The following PADI2 variants were observed in gnomAD, a reference collection of about 807,000 sequenced individuals.
The protein encoded by PADI2 is protein-arginine deiminase type-2.
In PADI2, 70 loss-of-function variants were observed where a neutral mutation model predicts 81.1. The ratio of observed to expected loss-of-function variants is 0.86; its 90% CI spans 0.71 to 1.05. The LOEUF (loss-of-function observed/expected upper bound fraction) is 1.05, where lower values mean the gene tolerates loss of function less well. PADI2 is among the 50% of genes least tolerant of loss of function. The pLI is 0.00. For synonymous variants in PADI2, 338 were observed against 358.0 expected, an observed-to-expected ratio of 0.94 and a Z score of 0.63; for missense variants, 853 against 889.9, an observed-to-expected ratio of 0.96 and a Z score of 0.53.
intron 10 of PADI2, 106 bp downstream of exon 10, chr1:17,082,439 G>A (rs926636411): frequency 4.0e-6 from 3 of 744,908 alleles, no homozygotes; most frequent in Non-Finnish European, 7.2e-6. Flanking sequence ...CAGAGGCTCT[G>A]GGCAGCAGAT....
chr1:17,086,467 AC>A (rs2101587203), intron 7 of PADI2, 53 bp downstream of exon 7: 3 of 1,461,238 alleles, frequency 2.1e-6, no homozygotes, highest in Non-Finnish European at 2.8e-6. Context: ...CTAGTAGGAG[AC>A]CCACCCTGGC....
chr1:17,110,268 G>T (rs962522193), intron 1 of PADI2, among the ~76,000 whole-genome samples: 1 of 152,110 alleles, frequency 6.6e-6, no homozygotes, highest in African/African-American at 2.4e-5. Context: ...GGGCTTGGGG[G>T]TGGTTATGAC....
chr1:17,089,819 G>A (rs1930620692), intron 6 of PADI2, among the ~76,000 whole-genome samples: 1 of 152,082 alleles, frequency 6.6e-6, no homozygotes, highest in African/African-American at 2.4e-5. Flanking sequence ...GCCTTGGGCT[G>A]GGCCCACTGA....
chr1:17,097,105 T>C (rs1212392912), intron 3 of PADI2, among the ~76,000 whole-genome samples: 2 of 139,060 alleles, frequency 1.4e-5, no homozygotes, highest in South Asian at 4.1e-4. Context: ...GTCACACACA[T>C]GACATGTGCC....
At position 17,115,190 on chromosome 1, in the gene PADI2, T is replaced by A. The variant is rs140116459; in HGVS notation, c.92+4090A>T. Among the ~76,000 whole-genome samples, 3 of 152,234 alleles carry A rather than the reference T, an allele frequency of 2.0e-5. No homozygotes were observed. Among genetic ancestry groups the A allele is most frequent in the Non-Finnish European group, 2.9e-5 (2 of 68,046 alleles). On this transcript the variant is annotated intron_variant, in intron 1 of 15. Transcript: ENST00000375486. This position sits in a 1 kb window ranked among gnomAD's most constrained non-coding sequence, Gnocchi z 4.1. Reference sequence around the variant, plus strand: ...CGAGTTATGGGCAAATTATTACTATTTACTTGATATTACTAGCTGACATTT... The same window carrying A: ...CGAGTTATGGGCAAATTATTACTATATACTTGATATTACTAGCTGACATTT...
intron 13 of PADI2, among the ~76,000 whole-genome samples, chr1:17,072,032 G>A (rs1039184648): frequency 1.3e-5 from 2 of 152,146 alleles, no homozygotes; most frequent in Admixed American, 6.5e-5. Flanking sequence ...TCTTCTAAAC[G>A]CTTTACATTG....
intron 14 of PADI2, among the ~76,000 whole-genome samples, chr1:17,070,701 G>A (rs1320640951): frequency 6.6e-6 from 1 of 151,830 alleles, no homozygotes; most frequent in Non-Finnish European, 1.5e-5. Flanking sequence ...TCACTCTGTT[G>A]CCCACGCCGG....
intron 1 of PADI2, among the ~76,000 whole-genome samples, chr1:17,109,479 A>G (rs936136469): frequency 6.7e-5 from 10 of 148,926 alleles, no homozygotes; most frequent in Non-Finnish European, 1.0e-4. Context: ...AGCCACTACT[A>G]CTACTATTGT....
At chr1:17,103,474 A>G (rs1192724357) in intron 2 of PADI2, among the ~76,000 whole-genome samples, 1 of 152,084 alleles carries the variant, frequency 6.6e-6, no homozygotes, top group Non-Finnish European at 1.5e-5. Context: ...CAGAAAGGAG[A>G]CAGTTCTGGT....
Position 17,103,018 on chromosome 1 carries a change from G to C in PADI2, c.318C>G (p.Ile106Met). ...CTGTGAGGAAGAGCCCCGCCTGGTC[G>C]ATGGGAATGCTCCCTTCCTCGTCAT... is the stretch of plus-strand genomic sequence containing the variant. ...NYYDEEGSIP[I>M]DQAGLFLTAI... Residue 106 changes from isoleucine to methionine, a missense_variant, in exon 3 of 16, where the codon ATC (isoleucine) becomes ATG (methionine). By Grantham distance (10) the Ile-to-Met change is conservative (BLOSUM62 1). Coordinates refer to ENST00000375486, the MANE Select transcript of PADI2 (RefSeq NM_007365.3). 6.2e-7 allele frequency: 1 copy of C among 1,613,550 alleles called. No homozygotes were observed.
rs571738637 is a variant in PADI2 at position 17,068,730 on chromosome 1, T to G, written c.*314A>C. 1.1e-4 allele frequency: 37 copies of G among 338,094 alleles called. No individual in the cohort carries two copies. The highest frequency in any genetic ancestry group is 1.1e-3 in the South Asian group (28 of 26,180). The allele number at this position is 338,094 out of a possible 1,614,324, so 20.9% of individuals were successfully genotyped here. A position where few individuals can be genotyped will look rare whatever the true frequency, so the allele number is the denominator to read the frequency against. ...CCTCATTCAGTGTCAGATTAGAGAC[T>G]CAAAATTCTTTGGGGAGCAGTTTGG... On this transcript the variant is annotated 3_prime_UTR_variant, in exon 16 of 16. Transcript: ENST00000375486.
intron 6 of PADI2, 85 bp downstream of exon 6, chr1:17,092,323 C>T (rs1930724580): frequency 1.7e-6 from 2 of 1,180,464 alleles, no homozygotes; most frequent in Non-Finnish European, 2.4e-6. Flanking sequence ...CCCCAGGCAC[C>T]TGCACCTGTG....
At position 17,119,424 on chromosome 1, in the gene PADI2, G is replaced by A. The variant is rs1931870008; in HGVS notation, c.-53C>T. ...TGGTCCGGGGCGGCCGGGAGCACCT[G>A]CAGCAGGTGCGCCTTCTCCAGCAGC... On this transcript the variant is annotated 5_prime_UTR_variant, in exon 1 of 16. Transcript: ENST00000375486. This position sits in a 1 kb window ranked among gnomAD's most constrained non-coding sequence, Gnocchi z 4.8. 3.7e-6 allele frequency: 5 copies of A among 1,355,048 alleles called. No homozygotes were observed. Among genetic ancestry groups the A allele is most frequent in the South Asian group, 1.3e-5 (1 of 75,442 alleles). 83.9% of individuals were successfully genotyped at this position (1,355,048 alleles called of 1,614,324 possible). A position where few individuals can be genotyped will look rare whatever the true frequency, so the allele number is the denominator to read the frequency against.
chr1:17,113,997 C>T (rs1931673491), intron 1 of PADI2, among the ~76,000 whole-genome samples: 1 of 152,252 alleles, frequency 6.6e-6, no homozygotes, highest in Non-Finnish European at 1.5e-5. Context: ...ACACTCCCAA[C>T]CCCAGGAAAC....
intron 1 of PADI2, among the ~76,000 whole-genome samples, chr1:17,107,875 A>C (rs999265535): frequency 9.3e-5 from 14 of 151,152 alleles, no homozygotes; most frequent in Admixed American, 2.0e-4. Flanking sequence ...TCCAAACTCC[A>C]CAGCCTGTCC....
At chr1:17,090,197 T>G (rs1199475477) in intron 6 of PADI2, among the ~76,000 whole-genome samples, 1 of 152,182 alleles carries the variant, frequency 6.6e-6, no homozygotes, top group Admixed American at 6.5e-5. Flanking sequence ...TAATTGCCAT[T>G]TATGGAGAGC....
intron 6 of PADI2, 52 bp from the exon 7 acceptor site, chr1:17,086,751 G>T (rs763073222): frequency 6.5e-7 from 1 of 1,531,542 alleles, no homozygotes; most frequent in Admixed American, 1.8e-5. Flanking sequence ...GAAAGAGGTC[G>T]GTGGGGTGGG....
intron 4 of PADI2, among the ~76,000 whole-genome samples, chr1:17,095,425 G>A (rs1160160345): frequency 6.6e-6 from 1 of 152,070 alleles, no homozygotes; most frequent in African/African-American, 2.4e-5. Context: ...ATAAGTAAAT[G>A]AACGAGGGAA....
chr1:17,098,469 A>C (rs1338862101), intron 3 of PADI2, among the ~76,000 whole-genome samples: 1 of 152,238 alleles, frequency 6.6e-6, no homozygotes, highest in Non-Finnish European at 1.5e-5. Flanking sequence ...ATTTGGACAT[A>C]GTACAAACAA....
Sources: gnomAD v4.1 joint callset for allele counts (sites outside exome capture counted in the v4.1 genomes callset) on GRCh38, gnomAD v4.1.1 for gene constraint, Gnocchi (gnomAD v3.1) non-coding constraint, MANE v1.5 for transcripts, NCBI Gene and HGNC (gene_info 2026-07-23, HGNC 2026-07-21) for gene names.